Variants in ALG8 observed in about 807,000 individuals in gnomAD.
ALG8 encodes the protein dolichyl pyrophosphate Glc1Man9GlcNAc2 alpha-1,3-glucosyltransferase.
ALG8 carries 48 observed loss-of-function variants against 70.2 expected under a neutral mutation model. The ratio of observed to expected loss-of-function variants is 0.68; its 90% CI spans 0.54 to 0.87. The LOEUF (loss-of-function observed/expected upper bound fraction) is 0.87, where lower values mean the gene tolerates loss of function less well. Ranked by LOEUF, ALG8 falls within the 40% of genes least tolerant of loss-of-function variation. The pLI is 0.00. For synonymous variants in ALG8, 234 were observed against 229.0 expected (o/e 1.02, Z -0.20); for missense variants, 572 against 608.7 (o/e 0.94, Z 0.64).
chr11:78,127,436 G>A lies in ALG8; in HGVS notation c.96C>T (p.Tyr32=). ...TLLKCLLIPT[Y]HSTDFEVHRN... ...GGTGTACTTCAAAATCTGTGGAATG[G>A]CTACTCAAAACAATTAGATAAATAA... The change falls in exon 2 of 13, where the codon TAC becomes TAT. Residue 32 remains tyrosine (Y), a splice_region_variant and synonymous_variant. Coordinates refer to ENST00000299626, the MANE Select transcript of ALG8 (RefSeq NM_024079.5). The A allele has an allele frequency of 1.2e-6, 2 of 1,612,848 alleles. No homozygotes were observed. The highest frequency in any genetic ancestry group is 1.7e-6 in the Non-Finnish European group (2 of 1,178,978).
Position 78,114,409 on chromosome 11 carries a change from G to A in ALG8, c.547-17C>T. 3 of 1,613,034 alleles carry A rather than the reference G, an allele frequency of 1.9e-6. No individual in the cohort carries two copies. Among genetic ancestry groups the A allele is most frequent in the Middle Eastern group, 3.3e-4 (2 of 6,044 alleles). ...ATGCCTTTTCTAGGAGATTTAAAAG[G>A]GAAATATCACTTTAAAATTCAGGGT... is the stretch of plus-strand genomic sequence containing the variant. On this transcript the variant is annotated splice_polypyrimidine_tract_variant and intron_variant, in intron 5 of 12. Transcript: ENST00000299626.
At chr11:78,123,983 C>A in intron 3 of ALG8, 38 bp downstream of exon 3, 2 of 1,607,904 alleles carry the variant, frequency 1.2e-6, no homozygotes, top group South Asian at 1.1e-5. Flanking sequence ...ACTATTTTTT[C>A]AATACCTTCC....
intron 12 of ALG8, among the ~76,000 whole-genome samples, chr11:78,101,614 G>A (rs1859801715): frequency 1.3e-5 from 2 of 151,998 alleles, no homozygotes; most frequent in Admixed American, 6.5e-5. Flanking sequence ...GTGAGACTCT[G>A]TCTCAAAAAA....
At chr11:78,135,369 AT>A (rs1861497169) in intron 1 of ALG8, 1 of 148,620 alleles carries the variant, frequency 6.7e-6, no homozygotes, top group Admixed American at 6.7e-5. Context: ...AAAAAAAAAA[AT>A]CAACTACTCA....
chr11:78,131,071 T>C (rs1408920458), intron 1 of ALG8, among the ~76,000 whole-genome samples: 4 of 152,152 alleles, frequency 2.6e-5, no homozygotes, highest in African/African-American at 9.7e-5. Flanking sequence ...TCTTTTCCTA[T>C]ATAGTTGTAC....
At chr11:78,114,792 C>T in intron 5 of ALG8, 1 of 385,308 alleles carries the variant, frequency 2.6e-6, no homozygotes, top group Non-Finnish European at 5.1e-6. Context: ...ATAGGGAGGC[C>T]CTGTCTCTAC....
chr11:78,129,255 G>A (rs585486), intron 1 of ALG8, among the ~76,000 whole-genome samples: 12 of 151,216 alleles, frequency 7.9e-5, no homozygotes, highest in Admixed American at 3.3e-4. Flanking sequence ...CCCATCTCTA[G>A]TAAAAATATA....
At chr11:78,128,744 G>A (rs1200925025) in intron 1 of ALG8, among the ~76,000 whole-genome samples, 7 of 151,670 alleles carry the variant, frequency 4.6e-5, no homozygotes, top group Non-Finnish European at 1.5e-5. Flanking sequence ...CCAAGTAGCT[G>A]GGACTACAGG....
intron 10 of ALG8, among the ~76,000 whole-genome samples, chr11:78,105,668 GA>G (rs953075006): frequency 1.3e-5 from 2 of 149,066 alleles, no homozygotes; most frequent in East Asian, 2.0e-4. Flanking sequence ...AAAAAGAAAG[GA>G]AAAAAAAGGG....
intron 1 of ALG8, chr11:78,138,916 T>C (rs1377005391): frequency 9.9e-6 from 4 of 404,994 alleles, no homozygotes; most frequent in Non-Finnish European, 2.0e-5. Context: ...CTCTGACTTC[T>C]TTCCTGCCAC....
At chr11:78,114,129 G>T in intron 6 of ALG8, 137 bp downstream of exon 6, 1 of 1,413,370 alleles carries the variant, frequency 7.1e-7, no homozygotes, top group East Asian at 2.4e-5. Flanking sequence ...AGAAAAGCGA[G>T]AATGGGTAAA....
chr11:78,123,862 T>C (rs1050574089), intron 3 of ALG8, among the ~76,000 whole-genome samples, 159 bp downstream of exon 3: 3 of 152,212 alleles, frequency 2.0e-5, no homozygotes, highest in African/African-American at 7.2e-5. Context: ...GCTAGAGTGC[T>C]TTAAACATGT....
At chr11:78,132,099 AG>A (rs1861333662) in intron 1 of ALG8, among the ~76,000 whole-genome samples, 1 of 152,160 alleles carries the variant, frequency 6.6e-6, no homozygotes, top group South Asian at 2.1e-4. Flanking sequence ...TGTGTGAGGT[AG>A]GTTCTTTAAC....
chr11:78,114,454 G>A (rs1590817121), intron 5 of ALG8, 62 bp from the exon 6 acceptor site: 2 of 1,585,320 alleles, frequency 1.3e-6, no homozygotes, highest in Non-Finnish European at 1.7e-6. Context: ...GCAATAATGT[G>A]GTATTCTAGA....
intron 1 of ALG8, among the ~76,000 whole-genome samples, chr11:78,132,579 T>C (rs1861349621): frequency 6.6e-6 from 1 of 152,206 alleles, no homozygotes; most frequent in African/African-American, 2.4e-5. Context: ...GCTTATTCCA[T>C]GCCAGCTACA....
In ALG8 at chr11:78,121,164, A is replaced by T. The variant is rs774926172; in HGVS notation, c.379T>A (p.Cys127Ser). The change falls in exon 4 of 13, where the codon TGC becomes AGC. Residue 127 changes from cysteine to serine, a missense_variant. By Grantham distance (112) the Cys-to-Ser change is moderately radical (BLOSUM62 -1). Transcript: ENST00000299626. Reference protein sequence around the residue: ...FVYAVRECCKCIDGKKVGKEL... With the variant: ...FVYAVRECCKSIDGKKVGKEL... ...TTACCCACTTTTTTTCCATCAATGC[A>T]TTTACAGCACCTACATTGAAACATT... 6.2e-7 allele frequency: 1 copy of T among 1,611,460 alleles called. No homozygotes were observed. The highest frequency in any genetic ancestry group is 8.5e-7 in the Non-Finnish European group (1 of 1,178,090).
Position 78,106,817 on chromosome 11 carries a change from G to T in ALG8, c.1168C>A (p.Leu390Ile), listed in dbSNP as rs372626745. The T allele has an allele frequency of 2.8e-5, 45 of 1,613,920 alleles. No homozygotes were observed. The African/African-American group carries it at 5.1e-4, about 18-fold the overall frequency. Residue 390 changes from leucine (L) to isoleucine (I), a missense_variant, in exon 10 of 13, where the codon CTC becomes ATC. Transcript: ENST00000299626. The part of the protein sequence containing the change: ...VHEKAILLAI[L>I]PMSLLSVGKA... ...GAGCTATCTGCTTACCTCATTGGGA[G>T]AATTGCTAGAAGTATGGCTTTTTCA...
rs777094522 is a variant in ALG8 at position 78,124,217 on chromosome 11, G to A, written c.175-3C>T. ...TCCAACGTCCACTCTGAAGTTGCCT[G>A]TGATAAAAATAGAAGATCAGACATA... On this transcript the variant is annotated splice_polypyrimidine_tract_variant and splice_region_variant and intron_variant, in intron 2 of 12. Transcript: ENST00000299626. The A allele has an allele frequency of 1.9e-6, 3 of 1,613,770 alleles. No homozygotes were observed. The highest frequency in any genetic ancestry group is 1.7e-6 in the Non-Finnish European group (2 of 1,179,800).
chr11:78,134,017 A>T (rs893680286), intron 1 of ALG8, among the ~76,000 whole-genome samples: 1 of 152,198 alleles, frequency 6.6e-6, no homozygotes, highest in African/African-American at 2.4e-5. Context: ...AAAGCTAATG[A>T]TCATCTGCAC....
Sources: gnomAD v4.1 joint callset for allele counts (sites outside exome capture counted in the v4.1 genomes callset) on GRCh38, gnomAD v4.1.1 for gene constraint, MANE v1.5 for transcripts, NCBI Gene and HGNC (gene_info 2026-07-23, HGNC 2026-07-21) for gene names.